The following PEMT variants were observed in gnomAD, a reference collection of about 807,000 sequenced individuals.
The protein encoded by PEMT is phosphatidylethanolamine N-methyltransferase.
A neutral mutation model predicts 27.4 loss-of-function variants in PEMT; 23 were observed. That is an observed-to-expected ratio of 0.84 (90% confidence interval 0.60 to 1.19). PEMT has a LOEUF of 1.19. Among genes scored for constraint, PEMT ranks in the 50% most tolerant of loss-of-function variants. PEMT has a pLI of 0.00. For synonymous variants in PEMT, 137 were observed against 139.1 expected (o/e 0.98, Z 0.11); for missense variants, 307 against 310.1 (o/e 0.99, Z 0.07).
chr17:17,540,213 A>G (rs564593249), intron 2 of PEMT, among the ~76,000 whole-genome samples: 20 of 152,302 alleles, frequency 1.3e-4, no homozygotes, highest in South Asian at 4.1e-4. Context: ...AGAGCCTCAG[A>G]GGGGCCTTCC....
At chr17:17,526,165 C>T (rs530594318) in intron 2 of PEMT, among the ~76,000 whole-genome samples, 4 of 152,272 alleles carry the variant, frequency 2.6e-5, no homozygotes, top group African/African-American at 9.6e-5. Flanking sequence ...CAAGGAGTTC[C>T]CAGCTGAGCT....
chr17:17,553,061 T>A (rs1343829523), intron 2 of PEMT, among the ~76,000 whole-genome samples: 2 of 152,186 alleles, frequency 1.3e-5, no homozygotes, highest in African/African-American at 2.4e-5. Context: ...GGTTTCCATT[T>A]AGGTGTGAAG....
chr17:17,580,843 C>T (rs903403048), intron 1 of PEMT, among the ~76,000 whole-genome samples: 2 of 152,194 alleles, frequency 1.3e-5, no homozygotes, highest in African/African-American at 4.8e-5. Context: ...CTGGCTTTGC[C>T]GGTTGCTCCC....
At chr17:17,510,987 C>A (rs1178268570) in intron 4 of PEMT, among the ~76,000 whole-genome samples, 1 of 152,126 alleles carries the variant, frequency 6.6e-6, no homozygotes. Flanking sequence ...TCCTCCTGAG[C>A]CCCACCTCTG....
intron 1 of PEMT, among the ~76,000 whole-genome samples, chr17:17,580,781 A>G (rs1406192167): frequency 6.6e-6 from 1 of 151,006 alleles, no homozygotes; most frequent in Non-Finnish European, 1.5e-5. Flanking sequence ...CCCGTGGCCC[A>G]TCTGTTATTC....
intron 3 of PEMT, among the ~76,000 whole-genome samples, chr17:17,515,149 G>A (rs902018423): frequency 1.3e-5 from 2 of 152,172 alleles, no homozygotes; most frequent in African/African-American, 2.4e-5. Context: ...CCCCTCCTGC[G>A]GAGACCCGAG....
intron 1 of PEMT, among the ~76,000 whole-genome samples, chr17:17,586,778 A>C (rs1282308968): frequency 2.6e-5 from 4 of 152,134 alleles, no homozygotes; most frequent in Admixed American, 2.6e-4. Context: ...TGAAGCAGGC[A>C]GATTACTTGA....
chr17:17,588,337 G>C (rs932496991), intron 1 of PEMT, among the ~76,000 whole-genome samples: 2 of 152,098 alleles, frequency 1.3e-5, no homozygotes, highest in East Asian at 3.9e-4. Context: ...TTCCCTGAAA[G>C]GCAGTCAAGA....
intron 1 of PEMT, among the ~76,000 whole-genome samples, chr17:17,579,443 C>G (rs1218245619): frequency 3.3e-5 from 5 of 151,942 alleles, no homozygotes; most frequent in Non-Finnish European, 7.4e-5. Context: ...TTTGGGAGGC[C>G]GAGGTGGGCG....
intron 3 of PEMT, among the ~76,000 whole-genome samples, chr17:17,519,578 C>G (rs1000450804): frequency 3.9e-5 from 6 of 152,080 alleles, no homozygotes; most frequent in African/African-American, 1.2e-4. Flanking sequence ...GCCTGTCCCC[C>G]TGGTCTCCTA....
chr17:17,571,499 G>A (rs1277503087), intron 2 of PEMT, among the ~76,000 whole-genome samples: 1 of 152,112 alleles, frequency 6.6e-6, no homozygotes, highest in Non-Finnish European at 1.5e-5. Context: ...GGTGGGAGCA[G>A]GTGGCTCACC....
intron 3 of PEMT, among the ~76,000 whole-genome samples, chr17:17,517,198 A>G (rs1245830196): frequency 6.6e-6 from 1 of 152,168 alleles, no homozygotes; most frequent in Non-Finnish European, 1.5e-5. Context: ...GTCCCTAAGC[A>G]AAGACCCCGC....
intron 3 of PEMT, among the ~76,000 whole-genome samples, chr17:17,519,958 C>T (rs1907139862): frequency 1.3e-5 from 2 of 152,340 alleles, no homozygotes; most frequent in South Asian, 2.1e-4. Context: ...CTGCAGCCCA[C>T]TTCTCCTGCT....
chr17:17,527,798 G>A (rs1907787260), intron 2 of PEMT, among the ~76,000 whole-genome samples: 1 of 152,246 alleles, frequency 6.6e-6, no homozygotes, highest in Non-Finnish European at 1.5e-5. Context: ...GAGAGGACAG[G>A]CAGACAGACC....
chr17:17,528,609 T>A (rs1309238723), intron 2 of PEMT, among the ~76,000 whole-genome samples: 2 of 152,162 alleles, frequency 1.3e-5, no homozygotes, highest in Non-Finnish European at 2.9e-5. Flanking sequence ...GACATACAAA[T>A]GTCTGAGTGA....
At chr17:17,572,855 C>T (rs1386426808) in intron 2 of PEMT, among the ~76,000 whole-genome samples, 1 of 152,216 alleles carries the variant, frequency 6.6e-6, no homozygotes, top group African/African-American at 2.4e-5. Context: ...GAGCATGAGT[C>T]CCGCCACCAC....
At chr17:17,563,350 G>T (rs1597939551) in intron 2 of PEMT, among the ~76,000 whole-genome samples, 1 of 152,174 alleles carries the variant, frequency 6.6e-6, no homozygotes, top group Admixed American at 6.5e-5. Flanking sequence ...GCCAAACCTG[G>T]CCTCTGACCC....
At chr17:17,576,322 C>T (rs1005765370) in intron 2 of PEMT, among the ~76,000 whole-genome samples, 5 of 152,198 alleles carry the variant, frequency 3.3e-5, no homozygotes, top group Non-Finnish European at 4.4e-5. Context: ...GGTGCTGGTG[C>T]CCGGGCACCC....
chr17:17,554,132 C>T (rs566898319), intron 2 of PEMT, among the ~76,000 whole-genome samples: 1 of 152,262 alleles, frequency 6.6e-6, no homozygotes, highest in Non-Finnish European at 1.5e-5. Context: ...CTTTCAGCAC[C>T]TGCTCCGTTC....
Sources: allele counts gnomAD v4.1 joint callset (sites outside exome capture counted in the v4.1 genomes callset), GRCh38; gene constraint gnomAD v4.1.1; transcripts MANE v1.5; gene names NCBI Gene and HGNC (gene_info 2026-07-23, HGNC 2026-07-21).